BPNT1: variants seen among roughly 807,000 people sequenced by gnomAD.
BPNT1 encodes 3'(2'), 5'-bisphosphate nucleotidase 1.
A neutral mutation model predicts 36.9 loss-of-function variants in BPNT1; 28 were observed. The observed-to-expected ratio is 0.76, with a 90% confidence interval of 0.56 to 1.04. BPNT1 has a LOEUF of 1.04. Among genes scored for constraint, BPNT1 ranks in the 50% least tolerant of loss-of-function variants. The pLI is 0.00. For synonymous variants in BPNT1, 119 were observed against 130.9 expected, an observed-to-expected ratio of 0.91 and a Z score of 0.62; for missense variants, 313 against 372.9, an observed-to-expected ratio of 0.84 and a Z score of 1.32.
intron 2 of BPNT1, among the ~76,000 whole-genome samples, chr1:220,076,310 C>CTAA (rs1217613125): frequency 6.6e-6 from 1 of 151,844 alleles, no homozygotes; most frequent in Non-Finnish European, 1.5e-5. Context: ...GACCATCTGG[C>CTAA]TAACATGGTG....
chr1:220,076,095 G>T (rs542672615), intron 2 of BPNT1, among the ~76,000 whole-genome samples: 1 of 152,128 alleles, frequency 6.6e-6, no homozygotes, highest in African/African-American at 2.4e-5. Context: ...GGGGCTGGGC[G>T]CAGTGGCTCA....
chr1:220,061,069 C>T (rs1345120021), intron 7 of BPNT1, among the ~76,000 whole-genome samples: 1 of 152,058 alleles, frequency 6.6e-6, no homozygotes, highest in Non-Finnish European at 1.5e-5. Flanking sequence ...CAAATGTTTC[C>T]TAATCAGATT....
At position 220,059,714 on chromosome 1, in the gene BPNT1, A is replaced by T; in HGVS notation, c.750T>A (p.Ala250=). 6.2e-7 allele frequency: 1 copy of T among 1,610,270 alleles called. No individual in the cohort carries two copies. The highest frequency in any genetic ancestry group is 8.5e-7 in the Non-Finnish European group (1 of 1,178,908). Residue 250 remains alanine (A), a synonymous_variant, in exon 8 of 9, where the codon GCT becomes GCA. Coordinates refer to ENST00000322067, the MANE Select transcript of BPNT1 (RefSeq NM_006085.6). The stretch of plus-strand genomic sequence containing the variant: ...CCACAGCATGTAAAATAACTTCTGG[A>T]GCACAAGTATCCCACTTCTTACAAC... ...SPGCKKWDTC[A]PEVILHAVGG...
At chr1:220,076,297 T>G (rs1210056608) in intron 2 of BPNT1, among the ~76,000 whole-genome samples, 1 of 151,726 alleles carries the variant, frequency 6.6e-6, no homozygotes, top group Non-Finnish European at 1.5e-5. Context: ...GTCAGGAGTT[T>G]GAGACCATCT....
intron 6 of BPNT1, among the ~76,000 whole-genome samples, chr1:220,065,098 A>T (rs896757602): frequency 6.6e-6 from 1 of 152,164 alleles, no homozygotes; most frequent in Non-Finnish European, 1.5e-5. Context: ...GTGAGCCACC[A>T]CGCCCAACCA....
At chr1:220,060,268 G>A (rs1305750159) in intron 7 of BPNT1, among the ~76,000 whole-genome samples, 1 of 152,136 alleles carries the variant, frequency 6.6e-6, no homozygotes, top group Non-Finnish European at 1.5e-5. Flanking sequence ...TTGCAGCCAG[G>A]AGTTTGAGAC....
At chr1:220,076,701 T>TTAA (rs144111730) in intron 2 of BPNT1, among the ~76,000 whole-genome samples, 28,931 of 144,024 alleles carry the variant, frequency 0.2, 3,472 homozygotes, top group Middle Eastern at 0.29. Flanking sequence ...AAAAAATAAA[T>TTAA]TAATAATAAT....
chr1:220,085,787 T>C (rs956805313), intron 1 of BPNT1, among the ~76,000 whole-genome samples: 18 of 152,190 alleles, frequency 1.2e-4, no homozygotes, highest in Admixed American at 6.5e-5. Context: ...GAAAAAAAGC[T>C]GTATAACACT....
chr1:220,063,601 G>C (rs1352436220), intron 6 of BPNT1, among the ~76,000 whole-genome samples: 1 of 152,114 alleles, frequency 6.6e-6, no homozygotes, highest in African/African-American at 2.4e-5. Flanking sequence ...AAGGTACTAA[G>C]ATCCCCAGGA....
intron 4 of BPNT1, among the ~76,000 whole-genome samples, chr1:220,071,487 G>A (rs1418823873): frequency 6.6e-6 from 1 of 151,966 alleles, no homozygotes; most frequent in Non-Finnish European, 1.5e-5. Context: ...TTTATTTAAT[G>A]AGACAGGGTC....
In BPNT1 at chr1:220,089,720, G is replaced by A. The variant is rs1310731747; in HGVS notation, c.-43C>T. The stretch of plus-strand genomic sequence containing the variant: ...CGTTGGACCAAAGACACTTCAGGAG[G>A]AGCAAAAGCGCGTTATCGTAGACCC... On this transcript the variant is annotated 5_prime_UTR_variant, in exon 1 of 9. Transcript: ENST00000322067. 6.6e-6 allele frequency: 1 copy of A among 152,250 alleles called. No individual in the cohort carries two copies. The highest frequency in any genetic ancestry group is 1.5e-5 in the Non-Finnish European group (1 of 68,064). The allele number at this position is 152,250 out of a possible 1,614,324, so 9.4% of individuals were successfully genotyped here. A position where few individuals can be genotyped will look rare whatever the true frequency, so the allele number is the denominator to read the frequency against.
chr1:220,079,727 C>A lies in BPNT1; in HGVS notation c.120G>T (p.Lys40Asn), dbSNP rs776665309. 4.3e-6 allele frequency: 7 copies of A among 1,613,754 alleles called. No homozygotes were observed. In the East Asian group the frequency reaches 1.6e-4, roughly 36 times the overall value. Residue 40 changes from lysine (K) to asparagine (N), a missense_variant and splice_region_variant, in exon 2 of 9, where the codon AAG becomes AAT. Lys to Asn is a moderately conservative substitution (Grantham distance 94). Transcript: ENST00000322067. ...TGAAATGATATGAGAGTTTGAGTAC[C>A]TTCTCCACAATACCCAGGTCTCCTT... ...IAEGDLGIVE[K>N]TCATDLQTKA...
At chr1:220,064,879 C>T (rs1013834521) in intron 6 of BPNT1, among the ~76,000 whole-genome samples, 1 of 152,094 alleles carries the variant, frequency 6.6e-6, no homozygotes, top group African/African-American at 2.4e-5. Context: ...GCGATCTCGG[C>T]TCACTGCAAA....
At chr1:220,069,297 T>C (rs2102674865) in intron 5 of BPNT1, 87 bp downstream of exon 5, 1 of 1,071,298 alleles carries the variant, frequency 9.3e-7, no homozygotes, top group South Asian at 1.6e-5. Flanking sequence ...TAGCTTTCCA[T>C]ACAACATACA....
intron 7 of BPNT1, 80 bp downstream of exon 7, chr1:220,062,677 C>G: frequency 6.7e-6 from 10 of 1,502,598 alleles, no homozygotes; most frequent in Non-Finnish European, 9.2e-6. Flanking sequence ...GATGGCTAAA[C>G]TCTTATTTCA....
intron 2 of BPNT1, among the ~76,000 whole-genome samples, chr1:220,075,294 G>A (rs900304211): frequency 3.9e-5 from 6 of 152,030 alleles, no homozygotes; most frequent in African/African-American, 1.4e-4. Flanking sequence ...CGCCCACCTC[G>A]GGCTCCCAAA....
At position 220,058,584 on chromosome 1, in the gene BPNT1, T is replaced by C; in HGVS notation, c.*260A>G. The C allele has an allele frequency of 1.1e-6, 1 of 898,300 alleles. No homozygotes were observed. The highest frequency in any genetic ancestry group is 1.7e-5 in the African/African-American group (1 of 57,864). 55.6% of individuals were successfully genotyped at this position (898,300 alleles called of 1,614,324 possible). A position where few individuals can be genotyped will look rare whatever the true frequency, so the allele number is the denominator to read the frequency against. ...TTAACTCCTGTCACTCAGGCTGGAG[T>C]GCAGTGGCACGATCTCAGCTCACTG... is the stretch of plus-strand genomic sequence containing the variant. On this transcript the variant is annotated 3_prime_UTR_variant, in exon 9 of 9. Transcript: ENST00000322067.
In BPNT1 at chr1:220,058,159, G is replaced by A. The variant is rs1287036944; in HGVS notation, c.*685C>T. ...CCACTACATTCTAGCCTAGGCTACA[G>A]AGCGAGACTCCGTCTCAGGAAAAAA... On this transcript the variant is annotated 3_prime_UTR_variant, in exon 9 of 9. Coordinates refer to ENST00000322067, the MANE Select transcript of BPNT1 (RefSeq NM_006085.6). The A allele has an allele frequency of 2.1e-6, 2 of 972,024 alleles. No homozygotes were observed. Among genetic ancestry groups the A allele is most frequent in the African/African-American group, 3.5e-5 (2 of 57,228 alleles). The allele number at this position is 972,024 out of a possible 1,614,324, so 60.2% of individuals were successfully genotyped here. A position where few individuals can be genotyped will look rare whatever the true frequency, so the allele number is the denominator to read the frequency against.
intron 1 of BPNT1, among the ~76,000 whole-genome samples, chr1:220,085,205 G>C (rs1406467788): frequency 2.0e-5 from 3 of 152,154 alleles, no homozygotes; most frequent in African/African-American, 7.2e-5. Context: ...GATACAGGTA[G>C]ATTAAGAGCA....
Sources: gnomAD v4.1 joint callset for allele counts (sites outside exome capture counted in the v4.1 genomes callset) on GRCh38, gnomAD v4.1.1 for gene constraint, MANE v1.5 for transcripts, NCBI Gene and HGNC (gene_info 2026-07-23, HGNC 2026-07-21) for gene names.